CASQ2: variants seen among roughly 807,000 people sequenced by gnomAD.
CASQ2 encodes the protein calsequestrin-2.
CASQ2 carries 49 observed loss-of-function variants against 46.5 expected under a neutral mutation model. The observed-to-expected ratio is 1.05, with a 90% CI of 0.84 to 1.34. The LOEUF (loss-of-function observed/expected upper bound fraction) is 1.34, where lower values mean the gene tolerates loss of function less well. CASQ2 is among the 40% of genes most tolerant of loss of function. The pLI, the probability that CASQ2 is intolerant of heterozygous loss-of-function variation, is 0.00. For missense variants in CASQ2, 486 were observed against 481.3 expected (o/e 1.01, Z -0.09); for synonymous variants, 174 against 168.5 (o/e 1.03, Z -0.25).
At chr1:115,757,539 G>A (rs1313774556) in intron 1 of CASQ2, among the ~76,000 whole-genome samples, 1 of 152,150 alleles carries the variant, frequency 6.6e-6, no homozygotes, top group African/African-American at 2.4e-5. Flanking sequence ...AGCTCCATCT[G>A]CAGATTCACT....
chr1:115,750,831 C>T (rs1167819954), intron 1 of CASQ2, among the ~76,000 whole-genome samples: 17 of 148,654 alleles, frequency 1.1e-4, no homozygotes, highest in Non-Finnish European at 1.5e-5. Flanking sequence ...AAATAATATG[C>T]ATAATTCAAT....
rs1055862952 is a variant in CASQ2, at chr1:115,700,248, G to A, written c.*993C>T. The A allele has an allele frequency of 3.3e-5, 5 of 152,188 alleles. No individual in the cohort carries two copies. The highest frequency in any genetic ancestry group is 1.2e-4 in the African/African-American group (5 of 41,318). 9.4% of individuals were successfully genotyped at this position (152,188 alleles called of 1,614,324 possible). On this transcript the variant is annotated 3_prime_UTR_variant, in exon 11 of 11. Coordinates refer to ENST00000261448, the MANE Select transcript of CASQ2 (RefSeq NM_001232.4). ...ATTTTTTTTTTTTTCAGTGCCTCAGGGCATCAGTATGAACTCCAATTATTG... is the reference window on the plus strand; with the variant it reads ...ATTTTTTTTTTTTTCAGTGCCTCAGAGCATCAGTATGAACTCCAATTATTG...
intron 5 of CASQ2, among the ~76,000 whole-genome samples, chr1:115,729,333 G>T (rs1286714066): frequency 6.6e-6 from 1 of 152,028 alleles, no homozygotes; most frequent in Non-Finnish European, 1.5e-5. Flanking sequence ...GATTACAGGC[G>T]TGAGCCACTG....
chr1:115,765,385 C>A (rs1478969969), intron 1 of CASQ2, among the ~76,000 whole-genome samples: 1 of 152,116 alleles, frequency 6.6e-6, no homozygotes, highest in Non-Finnish European at 1.5e-5. Flanking sequence ...GAGATGCAGA[C>A]AAAATATACA....
chr1:115,702,266 T>A (rs555714510), intron 10 of CASQ2, among the ~76,000 whole-genome samples: 3 of 152,332 alleles, frequency 2.0e-5, no homozygotes, highest in African/African-American at 7.2e-5. Flanking sequence ...AGTATGGCTC[T>A]AATAATCCTC....
chr1:115,718,755 G>T (rs1647260368), intron 7 of CASQ2, among the ~76,000 whole-genome samples: 1 of 152,262 alleles, frequency 6.6e-6, no homozygotes, highest in Admixed American at 6.5e-5. Flanking sequence ...GGCAAACAAG[G>T]CGCATTTCAT....
intron 8 of CASQ2, among the ~76,000 whole-genome samples, chr1:115,712,641 C>A (rs1292411102): frequency 6.6e-6 from 1 of 151,962 alleles, no homozygotes; most frequent in African/African-American, 2.4e-5. Flanking sequence ...TAGTAAGAAC[C>A]AGGCCAGGCA....
At chr1:115,739,231 C>T (rs1396638550) in intron 3 of CASQ2, among the ~76,000 whole-genome samples, 1 of 150,718 alleles carries the variant, frequency 6.6e-6, no homozygotes, top group African/African-American at 2.4e-5. Context: ...CCTGCCTTAG[C>T]CTCCCGAGTA....
rs72554069 is a variant in CASQ2 at position 115,701,291 on chromosome 1, TATC to T, written c.1147_1149del (p.Asp383del). On this transcript the variant is annotated inframe_deletion, in exon 11 of 11. Coordinates refer to ENST00000261448, the MANE Select transcript of CASQ2 (RefSeq NM_001232.4). Reference sequence around the variant, plus strand: ...TCATCATTATCCTCTTCATCAGAATTATCATCATCATCATCATCTTCATCATCA... The same window carrying T: ...TCATCATTATCCTCTTCATCAGAATTATCATCATCATCATCTTCATCATCA... The T allele has an allele frequency of 3.5e-4, 557 of 1,590,878 alleles. 3 individuals carry two copies. Among genetic ancestry groups the T allele is most frequent in the East Asian group, 6.0e-4 (27 of 44,752 alleles).
intron 7 of CASQ2, among the ~76,000 whole-genome samples, chr1:115,725,274 C>T (rs1647537006): frequency 6.6e-6 from 1 of 151,966 alleles, no homozygotes; most frequent in Non-Finnish European, 1.5e-5. Context: ...TGCTATGTTG[C>T]CCAGGCTGCT....
chr1:115,710,282 G>T (rs936894122), intron 8 of CASQ2, among the ~76,000 whole-genome samples: 3 of 152,184 alleles, frequency 2.0e-5, no homozygotes, highest in Non-Finnish European at 2.9e-5. Context: ...CTTGATGGAG[G>T]TTAGGAAGAT....
At chr1:115,730,887 C>G (rs1042730692) in intron 5 of CASQ2, among the ~76,000 whole-genome samples, 2 of 152,174 alleles carry the variant, frequency 1.3e-5, no homozygotes, top group African/African-American at 4.8e-5. Flanking sequence ...CAAACAGGTC[C>G]TTTCAGCCAC....
chr1:115,747,242 A>C (rs1377372206), intron 1 of CASQ2, among the ~76,000 whole-genome samples: 2 of 152,134 alleles, frequency 1.3e-5, no homozygotes, highest in Admixed American at 6.6e-5. Context: ...TCTTTCATCC[A>C]TTCAATTGCT....
intron 8 of CASQ2, among the ~76,000 whole-genome samples, chr1:115,705,732 A>G (rs1472007221): frequency 1.3e-5 from 2 of 152,224 alleles, no homozygotes. Flanking sequence ...TTCTACAACC[A>G]GGAATTGCTA....
chr1:115,748,388 A>G (rs1356519358), intron 1 of CASQ2, among the ~76,000 whole-genome samples: 1 of 152,012 alleles, frequency 6.6e-6, no homozygotes, highest in Non-Finnish European at 1.5e-5. Context: ...CTGGCTTCTA[A>G]CTGTTTCCCT....
At chr1:115,733,455 T>A (rs1647859229) in intron 4 of CASQ2, among the ~76,000 whole-genome samples, 1 of 152,242 alleles carries the variant, frequency 6.6e-6, no homozygotes, top group Non-Finnish European at 1.5e-5. Flanking sequence ...AACTTCTTCA[T>A]GGAAGTACTC....
At chr1:115,720,781 G>A (rs945653771) in intron 7 of CASQ2, among the ~76,000 whole-genome samples, 13 of 152,230 alleles carry the variant, frequency 8.5e-5, no homozygotes, top group South Asian at 6.2e-4. Flanking sequence ...AGACTGTTTC[G>A]TCTACTTAAT....
At chr1:115,709,429 C>A (rs1294140231) in intron 8 of CASQ2, among the ~76,000 whole-genome samples, 1 of 152,132 alleles carries the variant, frequency 6.6e-6, no homozygotes. Flanking sequence ...GGCTTGGAGC[C>A]CTTTCAAGAC....
chr1:115,704,013 G>C (rs961054086), intron 9 of CASQ2, among the ~76,000 whole-genome samples: 2 of 152,096 alleles, frequency 1.3e-5, no homozygotes, highest in Admixed American at 1.3e-4. Context: ...CCAGGCAGAA[G>C]CTATATCAAC....
Sources: gnomAD v4.1 joint callset for allele counts (sites outside exome capture counted in the v4.1 genomes callset) on GRCh38, gnomAD v4.1.1 for gene constraint, MANE v1.5 for transcripts, NCBI Gene and HGNC (gene_info 2026-07-23, HGNC 2026-07-21) for gene names.